Variants in RFX3 observed in about 807,000 individuals in gnomAD.
RFX3 encodes the protein transcription factor RFX3.
A neutral mutation model predicts 98.6 loss-of-function variants in RFX3; 14 were observed. The ratio of observed to expected loss-of-function variants is 0.14; its 90% CI spans 0.09 to 0.22. The LOEUF (loss-of-function observed/expected upper bound fraction) is 0.22. RFX3 is among the 10% of genes least tolerant of loss of function. The pLI is 1.00. For synonymous variants in RFX3, 383 were observed against 328.4 expected (o/e 1.17, Z -1.80); for missense variants, 639 against 926.9 (o/e 0.69, Z 4.03).
intron 4 of RFX3, among the ~76,000 whole-genome samples, chr9:3,304,547 A>G (rs1829050995): frequency 6.6e-6 from 1 of 151,920 alleles, no homozygotes. Context: ...CAATTCTAAC[A>G]TGTTGTGGGA....
chr9:3,422,890 GTGA>G (rs1843579705), intron 1 of RFX3, among the ~76,000 whole-genome samples: 1 of 152,104 alleles, frequency 6.6e-6, no homozygotes, highest in Non-Finnish European at 1.5e-5. Context: ...TATCTGGACT[GTGA>G]CAATGGAGCT....
chr9:3,487,129 T>G (rs1398091882), intron 1 of RFX3, among the ~76,000 whole-genome samples: 1 of 152,166 alleles, frequency 6.6e-6, no homozygotes, highest in African/African-American at 2.4e-5. Context: ...GTGCTGAGAT[T>G]ACAGGCACAA....
chr9:3,372,109 T>A (rs189152035), intron 2 of RFX3, among the ~76,000 whole-genome samples: 151 of 152,312 alleles, frequency 9.9e-4, no homozygotes, highest in Non-Finnish European at 1.8e-3. Flanking sequence ...AGCAACTGTA[T>A]TTCTTTGCCT....
chr9:3,321,142 G>T (rs955034389), intron 4 of RFX3, among the ~76,000 whole-genome samples: 3 of 152,014 alleles, frequency 2.0e-5, no homozygotes, highest in African/African-American at 7.3e-5. Flanking sequence ...GACCTCAGGT[G>T]ATCCACCCGC....
intron 7 of RFX3, among the ~76,000 whole-genome samples, chr9:3,282,967 C>T (rs191504872): frequency 2.6e-4 from 40 of 151,848 alleles, no homozygotes; most frequent in African/African-American, 8.0e-4. Flanking sequence ...AAATGTTCCA[C>T]AAATACTACT....
chr9:3,395,416 G>C, intron 2 of RFX3, 56 bp downstream of exon 2: 1 of 1,593,462 alleles, frequency 6.3e-7, no homozygotes, highest in Non-Finnish European at 8.6e-7. Context: ...CAGGTATGTT[G>C]GACAGCCAAC....
chr9:3,365,646 G>C (rs1836974168), intron 2 of RFX3, among the ~76,000 whole-genome samples: 1 of 152,104 alleles, frequency 6.6e-6, no homozygotes, highest in South Asian at 2.1e-4. Context: ...GCATTTTACT[G>C]ATCCCAGTAT....
At chr9:3,515,333 A>G (rs1422787180) in intron 1 of RFX3, among the ~76,000 whole-genome samples, 2 of 152,242 alleles carry the variant, frequency 1.3e-5, no homozygotes, top group Admixed American at 1.3e-4. Context: ...TTCTTTGGAA[A>G]AAAGGAATCA....
At chr9:3,326,953 T>C (rs1831992432) in intron 4 of RFX3, among the ~76,000 whole-genome samples, 1 of 152,130 alleles carries the variant, frequency 6.6e-6, no homozygotes, top group South Asian at 2.1e-4. Context: ...GGCCACAGTA[T>C]ATGCTACTAT....
At chr9:3,498,468 G>A (rs996252712) in intron 1 of RFX3, among the ~76,000 whole-genome samples, 2 of 151,996 alleles carry the variant, frequency 1.3e-5, no homozygotes, top group African/African-American at 4.8e-5. Flanking sequence ...CAGCAAGAGT[G>A]AGAAAACACA....
intron 1 of RFX3, among the ~76,000 whole-genome samples, chr9:3,500,929 G>A (rs1323320492): frequency 6.6e-6 from 1 of 152,082 alleles, no homozygotes; most frequent in Non-Finnish European, 1.5e-5. Flanking sequence ...GAATACTTAG[G>A]ACCCTGTCAA....
At chr9:3,336,201 G>T (rs1833155518) in intron 3 of RFX3, among the ~76,000 whole-genome samples, 1 of 151,960 alleles carries the variant, frequency 6.6e-6, no homozygotes, top group African/African-American at 2.4e-5. Flanking sequence ...TCTCACATGG[G>T]TACAACATTT....
At chr9:3,466,541 C>T (rs969292433) in intron 1 of RFX3, among the ~76,000 whole-genome samples, 1 of 152,050 alleles carries the variant, frequency 6.6e-6, no homozygotes, top group Admixed American at 6.6e-5. Context: ...TGGCTTTTGC[C>T]AATTACTTTT....
intron 1 of RFX3, among the ~76,000 whole-genome samples, chr9:3,450,396 T>G (rs929419483): frequency 1.3e-5 from 2 of 152,130 alleles, no homozygotes; most frequent in African/African-American, 4.8e-5. Flanking sequence ...TTTTTGCTAT[T>G]TTTTTGTTTT....
intron 8 of RFX3, 95 bp downstream of exon 8, chr9:3,277,245 A>G (rs1825347369): frequency 3.8e-6 from 5 of 1,320,926 alleles, no homozygotes; most frequent in Non-Finnish European, 5.3e-6. Context: ...AAATCTTTCT[A>G]TGTCATTGAC....
intron 1 of RFX3, among the ~76,000 whole-genome samples, chr9:3,410,008 C>G (rs1295040190): frequency 6.6e-6 from 1 of 152,002 alleles, no homozygotes; most frequent in African/African-American, 2.4e-5. Flanking sequence ...CTGACAGACG[C>G]GCAAAGTGCT....
chr9:3,420,111 A>T (rs1356807279), intron 1 of RFX3, among the ~76,000 whole-genome samples: 1 of 152,222 alleles, frequency 6.6e-6, no homozygotes, highest in Non-Finnish European at 1.5e-5. Flanking sequence ...ACTGCCTCCC[A>T]GCCTCCGACC....
chr9:3,364,876 T>C (rs1284894658), intron 2 of RFX3: 2 of 152,258 alleles, frequency 1.3e-5, no homozygotes, highest in Non-Finnish European at 2.9e-5. Flanking sequence ...ATTTAATTTT[T>C]ACTATATTCA....
intron 1 of RFX3, among the ~76,000 whole-genome samples, chr9:3,486,780 A>C (rs993628720): frequency 2.0e-5 from 3 of 152,258 alleles, no homozygotes; most frequent in Non-Finnish European, 2.9e-5. Context: ...TTGTGTGATT[A>C]ACTTCTAACC....
Sources: allele counts gnomAD v4.1 joint callset (sites outside exome capture counted in the v4.1 genomes callset), GRCh38; gene constraint gnomAD v4.1.1; transcripts MANE v1.5; gene names NCBI Gene and HGNC (gene_info 2026-07-23, HGNC 2026-07-21).